Variants in UBE2E2 observed in about 807,000 individuals in gnomAD.
UBE2E2 encodes ubiquitin-conjugating enzyme E2 E2.
Under a neutral mutation model 24.7 loss-of-function variants are expected in UBE2E2, and 6 were observed. The observed-to-expected ratio is 0.24, with a 90% CI of 0.13 to 0.48. UBE2E2 has a LOEUF of 0.48. Ranked by LOEUF, UBE2E2 falls within the 20% of genes least tolerant of loss-of-function variation. UBE2E2 has a pLI of 0.99. For synonymous variants in UBE2E2, 104 were observed against 83.6 expected (o/e 1.24, Z -1.33); for missense variants, 169 against 245.0 (o/e 0.69, Z 2.07).
At chr3:23,327,303 G>C (rs200689270) in intron 3 of UBE2E2, among the ~76,000 whole-genome samples, 35 of 152,168 alleles carry the variant, frequency 2.3e-4, no homozygotes, top group African/African-American at 8.0e-4. Context: ...GTGTAAAAGT[G>C]TTCCTATTTC....
At chr3:23,463,488 T>G (rs534457755) in intron 3 of UBE2E2, among the ~76,000 whole-genome samples, 140 of 151,794 alleles carry the variant, frequency 9.2e-4, no homozygotes, top group Non-Finnish European at 1.8e-3. Flanking sequence ...TAACTAGGAG[T>G]AGTCATAACC....
intron 3 of UBE2E2, among the ~76,000 whole-genome samples, chr3:23,459,696 A>G (rs562732555): frequency 6.6e-6 from 1 of 152,162 alleles, no homozygotes; most frequent in South Asian, 2.1e-4. Flanking sequence ...GCCTCGGGAC[A>G]TATTAAGTTG....
chr3:23,543,301 C>T (rs1006796765), intron 5 of UBE2E2, among the ~76,000 whole-genome samples: 2 of 152,042 alleles, frequency 1.3e-5, no homozygotes, highest in Non-Finnish European at 2.9e-5. Flanking sequence ...GATCGTATAC[C>T]TAGAAAACCC....
At position 23,354,793 on chromosome 3, in the gene UBE2E2, A is replaced by G. The variant is rs2125324845; in HGVS notation, c.227+137481A>G. On this transcript the variant is annotated intron_variant, in intron 3 of 5. Transcript: ENST00000396703. ...TACACTGTTGGTGGGAATGTAAACT[A>G]GTTCAACCATTGTGGAAGACAGTGT... Among the ~76,000 whole-genome samples the G allele has an allele frequency of 1.3e-5, 2 of 152,380 alleles. 1 individual carries two copies. Among genetic ancestry groups the G allele is most frequent in the South Asian group, 4.1e-4 (2 of 4,832 alleles).
intron 5 of UBE2E2, among the ~76,000 whole-genome samples, chr3:23,564,598 T>C (rs1395717243): frequency 6.6e-6 from 1 of 152,086 alleles, no homozygotes; most frequent in Non-Finnish European, 1.5e-5. Context: ...AAAAGGAAAT[T>C]CCTTGAATTT....
chr3:23,456,470 T>C (rs148242237), intron 3 of UBE2E2, among the ~76,000 whole-genome samples: 2 of 152,324 alleles, frequency 1.3e-5, no homozygotes, highest in Non-Finnish European at 2.9e-5. Flanking sequence ...TCTTCAATAA[T>C]AACACTTGAA....
At chr3:23,239,009 C>T (rs1464802753) in intron 3 of UBE2E2, among the ~76,000 whole-genome samples, 3 of 152,092 alleles carry the variant, frequency 2.0e-5, no homozygotes, top group Non-Finnish European at 4.4e-5. Context: ...TTGGAACATG[C>T]GTGAATTTGT....
intron 3 of UBE2E2, among the ~76,000 whole-genome samples, chr3:23,369,652 A>G (rs1281984635): frequency 6.6e-6 from 1 of 152,180 alleles, no homozygotes; most frequent in Non-Finnish European, 1.5e-5. Flanking sequence ...TATCGAAGCC[A>G]GTCATCCAGC....
At chr3:23,245,047 A>G (rs1697358906) in intron 3 of UBE2E2, among the ~76,000 whole-genome samples, 1 of 152,178 alleles carries the variant, frequency 6.6e-6, no homozygotes, top group African/African-American at 2.4e-5. Flanking sequence ...ATGTAAATAC[A>G]TTTAGAAATG....
At chr3:23,509,932 A>G (rs1411337141) in intron 4 of UBE2E2, among the ~76,000 whole-genome samples, 1 of 152,080 alleles carries the variant, frequency 6.6e-6, no homozygotes, top group South Asian at 2.1e-4. Context: ...GCCGCATAGT[A>G]TTCCATGGTG....
At position 23,247,090 on chromosome 3, in the gene UBE2E2, A is replaced by T. The variant is rs192496537; in HGVS notation, c.227+29778A>T. Among the ~76,000 whole-genome samples, 8 of 152,270 alleles carry T rather than the reference A, an allele frequency of 5.3e-5. No individual in the cohort carries two copies. The East Asian group carries it at 1.5e-3, about 29-fold the overall frequency. On this transcript the variant is annotated intron_variant, in intron 3 of 5. Coordinates refer to ENST00000396703, the MANE Select transcript of UBE2E2 (RefSeq NM_152653.4). ...CGTTGGTCTTGAAATCCTAGACCCA[A>T]GCAGTCCTCCTGCCTCAGCTCCCAA... is the stretch of plus-strand genomic sequence containing the variant.
At chr3:23,217,768 G>C (rs765935405) in intron 3 of UBE2E2, among the ~76,000 whole-genome samples, 2 of 152,032 alleles carry the variant, frequency 1.3e-5, no homozygotes, top group Admixed American at 1.3e-4. Flanking sequence ...CATTGGTTGT[G>C]ACTAGGTAAG....
chr3:23,424,007 A>G (rs1046353442), intron 3 of UBE2E2, among the ~76,000 whole-genome samples: 6 of 152,152 alleles, frequency 3.9e-5, no homozygotes, highest in Non-Finnish European at 7.4e-5. Flanking sequence ...ATGAAAGGAC[A>G]TTACTGAGAA....
intron 3 of UBE2E2, among the ~76,000 whole-genome samples, chr3:23,361,213 T>C (rs759676100): frequency 6.6e-6 from 1 of 152,166 alleles, no homozygotes; most frequent in East Asian, 1.9e-4. Flanking sequence ...AAGGGAGTCC[T>C]TTTATACTGC....
At chr3:23,521,286 G>A (rs1439628419) in intron 4 of UBE2E2, among the ~76,000 whole-genome samples, 2 of 152,194 alleles carry the variant, frequency 1.3e-5, no homozygotes, top group African/African-American at 4.8e-5. Flanking sequence ...TTCTCCTTCT[G>A]TTTGTGTTTA....
chr3:23,258,264 G>A (rs910655774), intron 3 of UBE2E2, among the ~76,000 whole-genome samples: 2 of 152,088 alleles, frequency 1.3e-5, no homozygotes, highest in Admixed American at 1.3e-4. Context: ...AGATATTTTC[G>A]GTAGGACAAA....
rs570467230 is a variant in UBE2E2 at position 23,589,931 on chromosome 3, A to G, written c.*100A>G. On this transcript the variant is annotated 3_prime_UTR_variant, in exon 6 of 6. Transcript: ENST00000396703. This position sits in a 1 kb window ranked among gnomAD's most constrained non-coding sequence, Gnocchi z 4.1. ...TCCAGACCTCGGTTCTTATTTTCCT[A>G]TTTTTATTAAATTTGGAACCATTTT... 3 of 1,130,034 alleles carry G rather than the reference A, an allele frequency of 2.7e-6. No homozygotes were observed. Among genetic ancestry groups the G allele is most frequent in the South Asian group, 1.6e-5 (1 of 61,318 alleles). The allele number at this position is 1,130,034 out of a possible 1,614,324, so 70.0% of individuals were successfully genotyped here.
chr3:23,429,238 A>G (rs1009178494), intron 3 of UBE2E2, among the ~76,000 whole-genome samples: 2 of 152,196 alleles, frequency 1.3e-5, no homozygotes, highest in African/African-American at 4.8e-5. Context: ...TTTTCTCTAC[A>G]GTCTTTTCTA....
chr3:23,577,344 A>G (rs75714963), intron 5 of UBE2E2, among the ~76,000 whole-genome samples: 1 of 147,122 alleles, frequency 6.8e-6, no homozygotes, highest in African/African-American at 2.6e-5. Flanking sequence ...AAAAAAAAAA[A>G]GCAACACACC....
Sources: gnomAD v4.1 joint callset for allele counts (sites outside exome capture counted in the v4.1 genomes callset) on GRCh38, gnomAD v4.1.1 for gene constraint, Gnocchi (gnomAD v3.1) non-coding constraint, MANE v1.5 for transcripts, NCBI Gene and HGNC (gene_info 2026-07-23, HGNC 2026-07-21) for gene names.